ITGB3: variants seen among roughly 807,000 people sequenced by gnomAD.
ITGB3 encodes the protein integrin beta-3.
A neutral mutation model predicts 85.8 loss-of-function variants in ITGB3; 48 were observed. The observed-to-expected ratio is 0.56, with a 90% CI of 0.44 to 0.71. The LOEUF (loss-of-function observed/expected upper bound fraction) is 0.71. Among genes scored for constraint, ITGB3 ranks in the 30% least tolerant of loss-of-function variants. The pLI is 0.00. For missense variants in ITGB3, 861 were observed against 1,019.1 expected, an observed-to-expected ratio of 0.84 and a Z score of 2.11; for synonymous variants, 363 against 395.6, an observed-to-expected ratio of 0.92 and a Z score of 0.98.
Position 47,253,886 on chromosome 17 carries a change from C to T in ITGB3, c.25C>T (p.Pro9Ser). 1 of 1,287,146 alleles carries T rather than the reference C, an allele frequency of 7.8e-7. No homozygotes were observed. The highest frequency in any genetic ancestry group is 2.6e-5 in the South Asian group (1 of 38,506). The allele number at this position is 1,287,146 out of a possible 1,614,324, so 79.7% of individuals were successfully genotyped here. ...GATGCGAGCGCGGCCGCGGCCCCGG[C>T]CGCTCTGGGCGACTGTGCTGGCGCT... Reference protein sequence around the residue: MRARPRPRPLWATVLALGA... With the variant: MRARPRPRSLWATVLALGA... Residue 9 changes from proline (P) to serine (S), a missense_variant, in exon 1 of 15, where the codon CCG becomes TCG. Coordinates refer to ENST00000559488, the MANE Select transcript of ITGB3 (RefSeq NM_000212.3).
chr17:47,260,076 G>A (rs1283840859), intron 1 of ITGB3, among the ~76,000 whole-genome samples: 1 of 151,556 alleles, frequency 6.6e-6, no homozygotes, highest in Non-Finnish European at 1.5e-5. Flanking sequence ...ATGTTTATTT[G>A]TGTGTGTGTG....
chr17:47,282,133 G>A (rs1167516083), intron 2 of ITGB3, among the ~76,000 whole-genome samples: 1 of 151,730 alleles, frequency 6.6e-6, no homozygotes, highest in Non-Finnish European at 1.5e-5. Flanking sequence ...ATTTTCAGTA[G>A]AGACGGGGTT....
Position 47,290,294 on chromosome 17 carries a change from A to G in ITGB3, c.1125+20A>G, listed in dbSNP as rs1442067845. On this transcript the variant is annotated intron_variant, in intron 8 of 14. Coordinates refer to ENST00000559488, the MANE Select transcript of ITGB3 (RefSeq NM_000212.3). ...TATGGGGTAAGTGTCTTGTGCTGGGAATAGTCCCGCGGAGAGTCCACCTCA... is the reference window on the plus strand; with the variant it reads ...TATGGGGTAAGTGTCTTGTGCTGGGGATAGTCCCGCGGAGAGTCCACCTCA... The G allele has an allele frequency of 6.2e-7, 1 of 1,600,014 alleles. No homozygotes were observed. The highest frequency in any genetic ancestry group is 1.3e-5 in the African/African-American group (1 of 74,754).
At chr17:47,285,989 A>G (rs1199825512) in intron 4 of ITGB3, among the ~76,000 whole-genome samples, 3 of 152,206 alleles carry the variant, frequency 2.0e-5, no homozygotes, top group Admixed American at 1.3e-4. Context: ...AGGTCCCATG[A>G]CTAGTACAGA....
chr17:47,269,847 G>A (rs993126083), intron 1 of ITGB3, among the ~76,000 whole-genome samples: 1 of 152,128 alleles, frequency 6.6e-6, no homozygotes, highest in Non-Finnish European at 1.5e-5. Flanking sequence ...GTAATAGTCT[G>A]TTCTCACACT....
chr17:47,306,033 A>G, intron 13 of ITGB3, among the ~76,000 whole-genome samples: 1 of 152,206 alleles, frequency 6.6e-6, no homozygotes, highest in East Asian at 1.9e-4. Flanking sequence ...TAATTTTCCA[A>G]AGATCATGTA....
At chr17:47,272,805 A>G (rs2065050427) in intron 1 of ITGB3, among the ~76,000 whole-genome samples, 1 of 139,536 alleles carries the variant, frequency 7.2e-6, no homozygotes, top group Non-Finnish European at 1.5e-5. Flanking sequence ...ATGGAGTCTC[A>G]CTGTGTCACC....
In ITGB3 at chr17:47,287,108, G is replaced by C; in HGVS notation, c.816G>C (p.Leu272=). 3.7e-6 allele frequency: 6 copies of C among 1,614,086 alleles called. No individual in the cohort carries two copies. The highest frequency in any genetic ancestry group is 4.2e-6 in the Non-Finnish European group (5 of 1,179,982). Residue 272 remains leucine, a synonymous_variant, in exon 6 of 15, where the codon CTG becomes CTC. Coordinates refer to ENST00000559488, the MANE Select transcript of ITGB3 (RefSeq NM_000212.3). ...IGWRNDASHL[L]VFTTDAKTHI... ...GGAGGAATGATGCATCCCACTTGCTGGTGTTTACCACTGATGCCAAGACTC... is the reference window on the plus strand; with the variant it reads ...GGAGGAATGATGCATCCCACTTGCTCGTGTTTACCACTGATGCCAAGACTC...
chr17:47,265,193 A>G (rs899209437), intron 1 of ITGB3, among the ~76,000 whole-genome samples: 2 of 152,224 alleles, frequency 1.3e-5, no homozygotes, highest in South Asian at 4.1e-4. Context: ...ATTTCATTTC[A>G]TGCTGGCTTT....
intron 2 of ITGB3, among the ~76,000 whole-genome samples, chr17:47,282,044 G>A (rs1374265462): frequency 1.3e-5 from 2 of 152,098 alleles, no homozygotes; most frequent in South Asian, 2.1e-4. Context: ...CACCTCCCAG[G>A]TTTAAGCGAT....
At chr17:47,306,847 T>C (rs1230629258) in intron 13 of ITGB3, among the ~76,000 whole-genome samples, 3 of 151,912 alleles carry the variant, frequency 2.0e-5, no homozygotes, top group Non-Finnish European at 4.4e-5. Context: ...GCTAGGCTAA[T>C]TTTTGTAGTT....
At chr17:47,305,122 C>T (rs960507870) in intron 13 of ITGB3, among the ~76,000 whole-genome samples, 1 of 152,186 alleles carries the variant, frequency 6.6e-6, no homozygotes, top group South Asian at 2.1e-4. Context: ...ACCCTACCTG[C>T]CCTGCCCATA....
intron 12 of ITGB3, among the ~76,000 whole-genome samples, 185 bp from the exon 13 acceptor site, chr17:47,302,536 A>G (rs2065170971): frequency 6.6e-6 from 1 of 152,228 alleles, no homozygotes; most frequent in East Asian, 1.9e-4. Context: ...TACAAAATAC[A>G]TCAGTGAGTG....
chr17:47,309,166 C>T (rs182422427), intron 14 of ITGB3, among the ~76,000 whole-genome samples: 534 of 151,498 alleles, frequency 3.5e-3, no homozygotes, highest in African/African-American at 0.012. Context: ...TCCCACCTCA[C>T]CCTCCCAAGT....
chr17:47,296,654 G>C (rs1422001275), intron 10 of ITGB3, among the ~76,000 whole-genome samples: 1 of 152,150 alleles, frequency 6.6e-6, no homozygotes, highest in African/African-American at 2.4e-5. Flanking sequence ...AATGTCTGGT[G>C]ATATTTTTGA....
chr17:47,293,898 G>A (rs76585409), intron 10 of ITGB3, among the ~76,000 whole-genome samples: 5,944 of 152,212 alleles, frequency 0.039, 189 homozygotes, highest in East Asian at 0.1. Context: ...GAGCCACTGC[G>A]CCCAGCCAGC....
chr17:47,287,970 G>A (rs992646608), intron 6 of ITGB3, among the ~76,000 whole-genome samples: 1 of 127,696 alleles, frequency 7.8e-6, no homozygotes, highest in Non-Finnish European at 1.6e-5. Context: ...TTGTTGCCCA[G>A]CTGGAGTGCA....
Position 47,300,486 on chromosome 17 carries a change from TG to T in ITGB3, c.1924del (p.Glu642SerfsTer27). On this transcript the variant is annotated frameshift_variant, in exon 12 of 15. Transcript: ENST00000559488. LOFTEE classifies it high-confidence loss of function. ...PDACTFKKEC[V>X]ECKKFDRGAL... ...TGTCCTCTCTCCTTCAGAGAATGTG[TG>T]GAGTGTAAGAAGTTTGACCGGGGAG... 6.2e-7 allele frequency: 1 copy of T among 1,613,300 alleles called. No individual in the cohort carries two copies.
intron 14 of ITGB3, among the ~76,000 whole-genome samples, chr17:47,308,265 T>G (rs567228702): frequency 6.6e-6 from 1 of 151,958 alleles, no homozygotes; most frequent in African/African-American, 2.4e-5. Context: ...AAGCATTTAC[T>G]GAGAACTTTC....
Sources: allele counts gnomAD v4.1 joint callset (sites outside exome capture counted in the v4.1 genomes callset), GRCh38; gene constraint gnomAD v4.1.1; transcripts MANE v1.5; gene names NCBI Gene and HGNC (gene_info 2026-07-23, HGNC 2026-07-21).